Variants in ACACA observed in about 807,000 individuals in gnomAD.
The protein encoded by ACACA is acetyl-CoA carboxylase alpha, also known as acetyl-CoA carboxylase 1.
ACACA carries 103 observed loss-of-function variants against 296.1 expected under a neutral mutation model. That is an observed-to-expected ratio of 0.35 (90% confidence interval 0.30 to 0.41). The LOEUF (loss-of-function observed/expected upper bound fraction) is 0.41, where lower values mean the gene tolerates loss of function less well. ACACA is among the 10% of genes least tolerant of loss of function. The pLI is 1.00. For missense variants in ACACA, 1,554 were observed against 2,989.7 expected, an observed-to-expected ratio of 0.52 and a Z score of 11.20; for synonymous variants, 953 against 1,038.6, an observed-to-expected ratio of 0.92 and a Z score of 1.58.
At chr17:37,349,222 G>T (rs889430719) in intron 1 of ACACA, among the ~76,000 whole-genome samples, 1 of 150,032 alleles carries the variant, frequency 6.7e-6, no homozygotes, top group African/African-American at 2.4e-5. Flanking sequence ...CCCAACACAT[G>T]GCTAATTTTT....
intron 41 of ACACA, among the ~76,000 whole-genome samples, chr17:37,177,240 TA>T (rs897806494): frequency 1.3e-5 from 2 of 150,232 alleles, no homozygotes; most frequent in Non-Finnish European, 3.0e-5. Context: ...TTAAAGGGGT[TA>T]AAAAAAACCT....
intron 2 of ACACA, among the ~76,000 whole-genome samples, chr17:37,334,811 C>T (rs1273163952): frequency 1.3e-5 from 2 of 152,090 alleles, no homozygotes; most frequent in Non-Finnish European, 2.9e-5. Context: ...GAGAATGCAG[C>T]GTCCCGGAAA....
intron 43 of ACACA, among the ~76,000 whole-genome samples, chr17:37,153,051 G>A (rs753557536): frequency 2.7e-4 from 41 of 152,164 alleles, no homozygotes; most frequent in African/African-American, 2.4e-5. Flanking sequence ...TGTCAGAAAT[G>A]AGGCTACTGT....
chr17:37,222,057 C>A, intron 28 of ACACA: 1 of 577,480 alleles, frequency 1.7e-6, no homozygotes, highest in Admixed American at 2.9e-5. Flanking sequence ...CAAAACTAGG[C>A]TGCCTCTGCT....
At chr17:37,332,367 A>G (rs978602512) in intron 2 of ACACA, among the ~76,000 whole-genome samples, 1 of 151,794 alleles carries the variant, frequency 6.6e-6, no homozygotes, top group South Asian at 2.1e-4. Context: ...TAAAAACCCA[A>G]ACTAAATGAA....
At chr17:37,291,143 TAC>T (rs71159701) in intron 3 of ACACA, among the ~76,000 whole-genome samples, 10,916 of 136,614 alleles carry the variant, frequency 0.08, 514 homozygotes, top group East Asian at 0.2. Flanking sequence ...GAAAAACACA[TAC>T]ACACACACAC....
chr17:37,181,900 C>CAAAAAAAAAAAA (rs61045031), intron 39 of ACACA, among the ~76,000 whole-genome samples: 3 of 22,234 alleles, frequency 1.3e-4, no homozygotes, highest in Non-Finnish European at 2.8e-4. Context: ...ACTCTGTATC[C>CAAAAAAAAAAAA]AAAAAAAAAA....
chr17:37,120,553 C>A (rs1305267128), intron 50 of ACACA, among the ~76,000 whole-genome samples: 1 of 152,242 alleles, frequency 6.6e-6, no homozygotes, highest in Admixed American at 6.5e-5. Flanking sequence ...GCGTGAGCCA[C>A]CCCGCCTGGC....
intron 10 of ACACA, among the ~76,000 whole-genome samples, chr17:37,264,913 A>C (rs1001550158): frequency 2.6e-5 from 4 of 152,132 alleles, no homozygotes; most frequent in African/African-American, 9.7e-5. Flanking sequence ...ACTTACATAC[A>C]TATCATCATC....
rs1567638747 is a variant in ACACA, at chr17:37,087,235, TCA to T, written c.*79_*80del. The T allele has an allele frequency of 1.3e-6, 2 of 1,594,646 alleles. No homozygotes were observed. The highest frequency in any genetic ancestry group is 1.7e-6 in the Non-Finnish European group (2 of 1,164,260). On this transcript the variant is annotated 3_prime_UTR_variant, in exon 56 of 56. Coordinates refer to ENST00000616317, the MANE Select transcript of ACACA (RefSeq NM_198834.3). Reference sequence around the variant, plus strand: ...CCAGTGCTGGGTCTCCTGTGCCTTCTCATTACAGTGGTTACAGTTGTAAAAGG... The same window carrying T: ...CCAGTGCTGGGTCTCCTGTGCCTTCTTTACAGTGGTTACAGTTGTAAAAGG...
At chr17:37,236,408 G>A (rs2080113319) in intron 24 of ACACA, among the ~76,000 whole-genome samples, 2 of 150,840 alleles carry the variant, frequency 1.3e-5, no homozygotes, top group Admixed American at 6.6e-5. Context: ...AGGACCAGGG[G>A]AAATAAAAAG....
chr17:37,340,313 T>G (rs1288186368), intron 1 of ACACA, among the ~76,000 whole-genome samples: 1 of 152,198 alleles, frequency 6.6e-6, no homozygotes, highest in East Asian at 1.9e-4. Flanking sequence ...CCCTAAACTG[T>G]AAGGGATCAA....
At position 37,283,307 on chromosome 17, in the gene ACACA, G is replaced by A. The variant is rs752507997; in HGVS notation, c.570C>T (p.Phe190=). 1.9e-5 allele frequency: 30 copies of A among 1,613,940 alleles called. No individual in the cohort carries two copies. Among genetic ancestry groups the A allele is most frequent in the East Asian group, 1.1e-4 (5 of 44,890 alleles). ...EMFRNERAIR[F]VVMVTPEDLK... ...GGTCTTCAGGTGTGACCATGACAACGAATCTAATTGCACGTTCATTTCGAA... is the reference window on the plus strand; with the variant it reads ...GGTCTTCAGGTGTGACCATGACAACAAATCTAATTGCACGTTCATTTCGAA... Residue 190 remains phenylalanine (F), a synonymous_variant, in exon 5 of 56, where the codon TTC becomes TTT. Transcript: ENST00000616317.
At chr17:37,173,997 TATA>T (rs2076990254) in intron 41 of ACACA, among the ~76,000 whole-genome samples, 12 of 11,616 alleles carry the variant, frequency 1.0e-3, no homozygotes, top group African/African-American at 2.3e-3. Context: ...TATATATATA[TATA>T]TATATATATA....
intron 48 of ACACA, among the ~76,000 whole-genome samples, chr17:37,123,133 G>A (rs1373688014): frequency 6.6e-6 from 1 of 152,158 alleles, no homozygotes; most frequent in Admixed American, 6.5e-5. Flanking sequence ...AGATTTGAGG[G>A]TACAATAGGT....
intron 12 of ACACA, 100 bp downstream of exon 12, chr17:37,259,260 C>A (rs1197778921): frequency 7.5e-7 from 1 of 1,332,134 alleles, no homozygotes; most frequent in Admixed American, 1.7e-5. Context: ...AGGTGTGACT[C>A]AGATAGGAGG....
intron 41 of ACACA, chr17:37,163,022 C>G (rs1373783189): frequency 6.5e-6 from 1 of 154,760 alleles, no homozygotes; most frequent in Non-Finnish European, 1.4e-5. Flanking sequence ...GCAAGTGCTG[C>G]CAGCTGGCGG....
intron 3 of ACACA, among the ~76,000 whole-genome samples, chr17:37,296,657 G>A (rs2083348010): frequency 6.6e-6 from 1 of 151,792 alleles, no homozygotes; most frequent in South Asian, 2.1e-4. Context: ...TCTGCCCCAT[G>A]ATCTACTCAA....
At chr17:37,126,307 C>T (rs958666524) in intron 47 of ACACA, among the ~76,000 whole-genome samples, 11 of 152,050 alleles carry the variant, frequency 7.2e-5, no homozygotes, top group African/African-American at 1.9e-4. Context: ...TCAGTTTCTC[C>T]GCTACAAAAG....
Sources: gnomAD v4.1 joint callset for allele counts (sites outside exome capture counted in the v4.1 genomes callset) on GRCh38, gnomAD v4.1.1 for gene constraint, MANE v1.5 for transcripts, NCBI Gene and HGNC (gene_info 2026-07-23, HGNC 2026-07-21) for gene names.